The following ARMCX4 variants were observed in gnomAD, a reference collection of about 807,000 sequenced individuals.
ARMCX4 encodes the protein armadillo repeat-containing X-linked protein 4.
Under a neutral mutation model 34.7 loss-of-function variants are expected in ARMCX4, and 3 were observed. That is an observed-to-expected ratio of 0.09 (90% CI 0.04 to 0.22). ARMCX4 has a LOEUF of 0.22. Among genes scored for constraint, ARMCX4 ranks in the 10% least tolerant of loss-of-function variants. The pLI, the probability that ARMCX4 is intolerant of heterozygous loss-of-function variation, is 1.00. For synonymous variants in ARMCX4, 513 were observed against 632.8 expected, an observed-to-expected ratio of 0.81 and a Z score of 2.84; for missense variants, 1,448 against 1,720.8, an observed-to-expected ratio of 0.84 and a Z score of 2.81.
At chrX:101,467,040 C>T (rs1932803908) in intron 4 of ARMCX4, among the ~76,000 whole-genome samples, 1 of 112,390 alleles carries the variant, frequency 8.9e-6, no homozygotes, top group Admixed American at 9.4e-5. Context: ...TATCTTATTC[C>T]ATATTGAATC....
downstream of ARMCX4, among the ~76,000 whole-genome samples, chrX:101,452,278 G>T (rs1243486617): frequency 9.0e-6 from 1 of 111,568 alleles, no homozygotes; most frequent in African/African-American, 3.3e-5. Flanking sequence ...GAGTTAATCT[G>T]TGATCTAAGA....
intron 11 of ARMCX4, chrX:101,516,679 C>G (rs1320615775): frequency 2.7e-5 from 3 of 111,073 alleles, no homozygotes; most frequent in African/African-American, 3.3e-5. Context: ...TCTTCATGGT[C>G]CAGGACACAC....
intron 2 of ARMCX4, among the ~76,000 whole-genome samples, chrX:101,433,041 C>CACATATGTATACATACACGTGTATAT (rs1930310855): frequency 1.5e-5 from 1 of 67,347 alleles, no homozygotes; most frequent in Non-Finnish European, 3.1e-5. Flanking sequence ...CGTGTATATA[C>CACATATGTATACATACACGTGTATAT]ACACATATGT....
intron 11 of ARMCX4, among the ~76,000 whole-genome samples, chrX:101,520,167 A>G (rs1934821978): frequency 8.9e-6 from 1 of 112,381 alleles, no homozygotes; most frequent in African/African-American, 3.2e-5. Context: ...TGATTTTTGT[A>G]TATTAATTAA....
intron 7 of ARMCX4, among the ~76,000 whole-genome samples, chrX:101,503,802 T>G (rs1383911241): frequency 9.0e-6 from 1 of 111,157 alleles, no homozygotes. Context: ...TAGATCCCAT[T>G]TGTCAATTTT....
At chrX:101,436,620 A>C (rs1930794301) in intron 2 of ARMCX4, among the ~76,000 whole-genome samples, 1 of 111,227 alleles carries the variant, frequency 9.0e-6, no homozygotes, top group African/African-American at 3.3e-5. Context: ...TCTTTTCCTA[A>C]TTGAATACCC....
chrX:101,522,466 G>A (rs1556019359), intron 11 of ARMCX4, among the ~76,000 whole-genome samples: 1 of 112,013 alleles, frequency 8.9e-6, no homozygotes, highest in Admixed American at 9.5e-5. Flanking sequence ...TTACATTAGA[G>A]TGTTTAATCC....
intron 4 of ARMCX4, among the ~76,000 whole-genome samples, chrX:101,453,677 T>A (rs1932111275): frequency 1.8e-5 from 2 of 110,556 alleles, no homozygotes; most frequent in Admixed American, 9.8e-5. Flanking sequence ...TTACAGGGGT[T>A]CTCCTCTACA....
chrX:101,451,625 C>A (rs1203893738), downstream of ARMCX4, among the ~76,000 whole-genome samples: 1 of 111,348 alleles, frequency 9.0e-6, no homozygotes, highest in Non-Finnish European at 1.9e-5. Flanking sequence ...ATCAGTGGAG[C>A]CTTCTATCCA....
chrX:101,473,580 T>C (rs1933017971), intron 4 of ARMCX4, among the ~76,000 whole-genome samples: 1 of 109,843 alleles, frequency 9.1e-6, no homozygotes, highest in African/African-American at 3.3e-5. Flanking sequence ...TCAGCAAATG[T>C]AAAAGAACAG....
intron 7 of ARMCX4, among the ~76,000 whole-genome samples, chrX:101,504,068 G>C (rs1452547715): frequency 9.0e-6 from 1 of 111,658 alleles, no homozygotes; most frequent in Non-Finnish European, 1.9e-5. Flanking sequence ...TCTTGTTTTT[G>C]TCATGTTTGT....
At chrX:101,433,144 T>TCACATATA (rs1400184189) in intron 2 of ARMCX4, among the ~76,000 whole-genome samples, 1 of 99,660 alleles carries the variant, frequency 1.0e-5, no homozygotes, top group African/African-American at 3.5e-5. Context: ...GTATATATAC[T>TCACATATA]CACATATACA....
Position 101,495,466 on chromosome X carries a change from G to A in ARMCX4, c.*4G>A. On this transcript the variant is annotated 3_prime_UTR_variant, in exon 6 of 6. Transcript: ENST00000423738. ...GCTATTAATAAGTAAACTCTGATTG[G>A]CTGTATGTTCCCAAACAAATTTGAG... The A allele has an allele frequency of 9.1e-7, 1 of 1,093,199 alleles. No individual in the cohort carries two copies. The highest frequency in any genetic ancestry group is 3.3e-5 in the East Asian group (1 of 30,242). 90.1% of individuals were successfully genotyped at this position (1,093,199 alleles called of 1,213,427 possible).
intron 2 of ARMCX4, among the ~76,000 whole-genome samples, chrX:101,430,576 T>C (rs1161679184): frequency 2.7e-5 from 3 of 112,564 alleles, no homozygotes; most frequent in African/African-American, 9.7e-5. Context: ...TAGTCTAGCC[T>C]TTCTCTGTCT....
At chrX:101,432,028 A>G (rs1394223759) in intron 2 of ARMCX4, among the ~76,000 whole-genome samples, 2 of 112,787 alleles carry the variant, frequency 1.8e-5, no homozygotes, top group Non-Finnish European at 3.7e-5. Flanking sequence ...ATTTTCCTCC[A>G]GCTTTTCAAC....
intron 2 of ARMCX4, among the ~76,000 whole-genome samples, chrX:101,438,521 C>T (rs1033490571): frequency 2.7e-5 from 3 of 110,904 alleles, no homozygotes; most frequent in Admixed American, 9.6e-5. Context: ...GCCAAGATCG[C>T]GCCACTGCAC....
downstream of ARMCX4, among the ~76,000 whole-genome samples, chrX:101,535,113 T>C (rs1935197891): frequency 9.0e-6 from 1 of 111,510 alleles, no homozygotes; most frequent in African/African-American, 3.3e-5. Context: ...TGAGAGGTTT[T>C]CTTGGGGGGC....
chrX:101,423,702 T>A (rs782098129), intron 2 of ARMCX4, among the ~76,000 whole-genome samples: 1 of 111,064 alleles, frequency 9.0e-6, no homozygotes, highest in South Asian at 3.9e-4. Flanking sequence ...CTAGGTAGAT[T>A]TAGGACGGGG....
intron 4 of ARMCX4, among the ~76,000 whole-genome samples, chrX:101,468,601 TTTTTC>T (rs1219241477): frequency 2.7e-5 from 3 of 110,378 alleles, no homozygotes; most frequent in Admixed American, 9.6e-5. Flanking sequence ...TAGGAGAGTA[TTTTTC>T]TTTTCTTTTC....
Sources: allele counts gnomAD v4.1 joint callset (sites outside exome capture counted in the v4.1 genomes callset), GRCh38; gene constraint gnomAD v4.1.1; transcripts MANE v1.5; gene names NCBI Gene and HGNC (gene_info 2026-07-23, HGNC 2026-07-21).